The following SLC12A3 variants were observed in gnomAD, a reference collection of about 807,000 sequenced individuals.
The protein encoded by SLC12A3 is solute carrier family 12 member 3, also known as Na-Cl cotransporter.
Under a neutral mutation model 121.0 loss-of-function variants are expected in SLC12A3, and 104 were observed. The observed-to-expected ratio is 0.86, with a 90% confidence interval of 0.73 to 1.01. The LOEUF is 1.01. SLC12A3 is among the 50% of genes least tolerant of loss of function. The pLI, the probability that SLC12A3 is intolerant of heterozygous loss-of-function variation, is 0.00. For synonymous variants in SLC12A3, 536 were observed against 533.4 expected (o/e 1.00, Z -0.07); for missense variants, 1,328 against 1,356.3 (o/e 0.98, Z 0.33).
intron 6 of SLC12A3, 109 bp downstream of exon 6, chr16:56,870,845 T>C: frequency 4.6e-6 from 3 of 653,164 alleles, no homozygotes; most frequent in Non-Finnish European, 8.1e-6. Flanking sequence ...CTTTTCTTTT[T>C]TTTTTTTTGA....
At position 56,872,360 on chromosome 16, in the gene SLC12A3, C is replaced by G. The variant is rs990730787; in HGVS notation, c.862C>G (p.Leu288Val). Residue 288 changes from leucine (L) to valine (V), a missense_variant, in exon 7 of 26, where the codon CTG becomes GTG. Coordinates refer to ENST00000563236, the MANE Select transcript of SLC12A3 (RefSeq NM_001126108.2). The stretch of plus-strand genomic sequence containing the variant: ...CCTTCGCCCCCTCCAGGCCCAGGTG[C>G]TGTTCTTCCTTGTCATCATGGTCTC... ...GMEWESKAQVLFFLVIMVSFA... is the reference protein window; with the variant it reads ...GMEWESKAQVVFFLVIMVSFA... The G allele has an allele frequency of 6.8e-6, 11 of 1,613,486 alleles. No homozygotes were observed. The highest frequency in any genetic ancestry group is 4.5e-5 in the East Asian group (2 of 44,890).
chr16:56,879,252 C>T (rs1486696053), intron 10 of SLC12A3, 25 bp downstream of exon 10: 9 of 1,613,488 alleles, frequency 5.6e-6, no homozygotes, highest in Non-Finnish European at 7.6e-6. Context: ...GCTGACCCAC[C>T]AGACACAGTG....
chr16:56,884,891 C>T (rs997862003), intron 14 of SLC12A3, among the ~76,000 whole-genome samples: 8 of 152,132 alleles, frequency 5.3e-5, no homozygotes, highest in African/African-American at 1.4e-4. Context: ...CTCAGCCTCC[C>T]GAGTAGCTGG....
chr16:56,908,422 G>A (rs1324545741), intron 25 of SLC12A3, among the ~76,000 whole-genome samples: 1 of 152,124 alleles, frequency 6.6e-6, no homozygotes. Context: ...TGGGATTACA[G>A]GCGTGAGCCA....
chr16:56,888,537 C>T (rs1208382974), intron 18 of SLC12A3, among the ~76,000 whole-genome samples: 2 of 148,970 alleles, frequency 1.3e-5, no homozygotes, highest in Admixed American at 1.4e-4. Flanking sequence ...CCCAATGTTG[C>T]CAGATCTTTT....
At chr16:56,884,303 C>T in intron 14 of SLC12A3, 99 bp downstream of exon 14, 1 of 1,274,298 alleles carries the variant, frequency 7.8e-7, no homozygotes, top group Non-Finnish European at 1.1e-6. Context: ...GAGTCCGGCT[C>T]TGTGCTGTCC....
rs140142366 is a variant in SLC12A3 at position 56,866,639 on chromosome 16, C to T, written c.283-431C>T. On this transcript the variant is annotated intron_variant, in intron 1 of 25. Coordinates refer to ENST00000563236, the MANE Select transcript of SLC12A3 (RefSeq NM_001126108.2). ...GGGGAGGAGGTGTTATGAGCAGGAGCGCCCAGGACTCCCAGTCTCCCATGG... is the reference window on the plus strand; with the variant it reads ...GGGGAGGAGGTGTTATGAGCAGGAGTGCCCAGGACTCCCAGTCTCCCATGG... Among the ~76,000 whole-genome samples the T allele has an allele frequency of 6.6e-3, 1,002 of 152,268 alleles. 10 individuals carry two copies. The highest frequency in any genetic ancestry group is 0.023 in the African/African-American group (943 of 41,554).
At position 56,879,124 on chromosome 16, in the gene SLC12A3, C is replaced by T; in HGVS notation, c.1232C>T (p.Pro411Leu). 6.2e-7 allele frequency: 1 copy of T among 1,613,812 alleles called. No individual in the cohort carries two copies. ...ASGVLNDTVT[P>L]GWGACEGLAC... is the part of the protein sequence containing the mutation. ...GGGGTCCTGAATGACACAGTGACCC[C>T]TGGCTGGGGTGCCTGCGAGGGGCTG... Residue 411 changes from proline (P) to leucine (L), a missense_variant, in exon 10 of 26, where the codon CCT becomes CTT. Pro to Leu is a moderately conservative substitution (Grantham distance 98). Coordinates refer to ENST00000563236, the MANE Select transcript of SLC12A3 (RefSeq NM_001126108.2).
chr16:56,882,573 G>A (rs2055256191), intron 13 of SLC12A3, 76 bp downstream of exon 13: 3 of 1,131,758 alleles, frequency 2.7e-6, no homozygotes, highest in Non-Finnish European at 4.0e-6. Flanking sequence ...GTGGGAGTGG[G>A]AGGCATGGGT....
chr16:56,885,513 C>A, intron 15 of SLC12A3, 149 bp downstream of exon 15: 1 of 689,546 alleles, frequency 1.5e-6, no homozygotes, highest in South Asian at 1.5e-5. Context: ...ATGGAGGAGC[C>A]ACCCAGCCAC....
chr16:56,904,191 T>C (rs2055575585), intron 24 of SLC12A3: 2 of 562,986 alleles, frequency 3.6e-6, no homozygotes, highest in Middle Eastern at 3.2e-4. Context: ...AGAATGCTTC[T>C]TGGAGGAGGT....
rs79228994 is a variant in SLC12A3, at chr16:56,881,358, G to A, written c.1568-1038G>A. 5.5e-4 allele frequency among the ~76,000 whole-genome samples: 83 copies of A among 152,228 alleles called. No homozygotes were observed. In the East Asian group the frequency reaches 0.013, roughly 23 times the overall value. Reference sequence around the variant, plus strand: ...AGTCTGGTCAGACTTGATGTTCCCCGGCCCCGTCTCTGCTTCCTGCTCACC... The same window carrying A: ...AGTCTGGTCAGACTTGATGTTCCCCAGCCCCGTCTCTGCTTCCTGCTCACC... On this transcript the variant is annotated intron_variant, in intron 12 of 25. Coordinates refer to ENST00000563236, the MANE Select transcript of SLC12A3 (RefSeq NM_001126108.2).
rs563558487 is a variant in SLC12A3 at position 56,886,953 on chromosome 16, G to A, written c.2038G>A (p.Gly680Arg). Residue 680 changes from glycine to arginine, a missense_variant and splice_region_variant, in exon 17 of 26, where the codon GGA (glycine) becomes AGA (arginine). Transcript: ENST00000563236. ...TGTCCCCTGCCCCTCCCACCCACAGGGACCCCACAAGCAGAGGATGCCTGA... is the reference window on the plus strand; with the variant it reads ...TGTCCCCTGCCCCTCCCACCCACAGAGACCCCACAAGCAGAGGATGCCTGA... Reference protein sequence around the residue: ...SLMICGHVLIGPHKQRMPELQ... With the variant: ...SLMICGHVLIRPHKQRMPELQ... 2 of 1,613,554 alleles carry A rather than the reference G, an allele frequency of 1.2e-6. No homozygotes were observed. Among genetic ancestry groups the A allele is most frequent in the Admixed American group, 1.7e-5 (1 of 60,012 alleles).
chr16:56,865,908 T>C (rs1964342388), intron 1 of SLC12A3, among the ~76,000 whole-genome samples: 1 of 152,158 alleles, frequency 6.6e-6, no homozygotes, highest in Non-Finnish European at 1.5e-5. Context: ...GAAGGTGGAT[T>C]GTCATGACCC....
intron 21 of SLC12A3, among the ~76,000 whole-genome samples, 159 bp from the exon 22 acceptor site, chr16:56,894,372 G>A (rs1271777918): frequency 5.9e-5 from 9 of 152,148 alleles, no homozygotes; most frequent in Non-Finnish European, 1.2e-4. Context: ...CACCGTGTGC[G>A]ACTTGAATTC....
At chr16:56,898,549 C>T (rs965564008) in intron 22 of SLC12A3, among the ~76,000 whole-genome samples, 10 of 152,272 alleles carry the variant, frequency 6.6e-5, no homozygotes, top group South Asian at 2.1e-4. Context: ...TGAGCCACTG[C>T]GCCCGGCCAG....
At chr16:56,872,225 T>A in intron 6 of SLC12A3, 126 bp from the exon 7 acceptor site, 2 of 709,180 alleles carry the variant, frequency 2.8e-6, no homozygotes. Context: ...TGCTGCATAA[T>A]GGGTGTTGAA....
chr16:56,867,157 A>G lies in SLC12A3; in HGVS notation c.370A>G (p.Thr124Ala). 4.3e-6 allele frequency: 7 copies of G among 1,613,996 alleles called. No individual in the cohort carries two copies. The highest frequency in any genetic ancestry group is 2.2e-5 in the East Asian group (1 of 44,870). The change falls in exon 2 of 26, where the codon ACC becomes GCC. Residue 124 changes from threonine (T) to alanine (A), a missense_variant. Thr to Ala is a moderately conservative substitution (Grantham distance 58). Transcript: ENST00000563236. ...TGGGCTGGTGGAGGGCGAGGCAGGC[A>G]CCAGCAGCGAGAAGAACCCCGAGGA... is the stretch of plus-strand genomic sequence containing the variant. ...TDGLVEGEAGTSSEKNPEEPV... is the reference protein window; with the variant it reads ...TDGLVEGEAGASSEKNPEEPV...
rs912713041 is a variant in SLC12A3, at chr16:56,882,207, C to T, written c.1568-189C>T. On this transcript the variant is annotated intron_variant, in intron 12 of 25. Coordinates refer to ENST00000563236, the MANE Select transcript of SLC12A3 (RefSeq NM_001126108.2). Reference sequence around the variant, plus strand: ...CGCTTACAGTTTACAAGACACCATCCCTTTGAGCTTCACAAAAGGATGGAC... The same window carrying T: ...CGCTTACAGTTTACAAGACACCATCTCTTTGAGCTTCACAAAAGGATGGAC... 4.6e-5 allele frequency among the ~76,000 whole-genome samples: 7 copies of T among 152,148 alleles called. No homozygotes were observed. The East Asian group carries it at 1.3e-3, about 29-fold the overall frequency.
Sources: allele counts gnomAD v4.1 joint callset (sites outside exome capture counted in the v4.1 genomes callset), GRCh38; gene constraint gnomAD v4.1.1; transcripts MANE v1.5; gene names NCBI Gene and HGNC (gene_info 2026-07-23, HGNC 2026-07-21).